Variants in ALDH1L1 observed in about 807,000 individuals in gnomAD.
ALDH1L1 encodes cytosolic 10-formyltetrahydrofolate dehydrogenase.
ALDH1L1 carries 68 observed loss-of-function variants against 101.1 expected under a neutral mutation model. That is an observed-to-expected ratio of 0.67 (90% CI 0.55 to 0.82). The LOEUF (loss-of-function observed/expected upper bound fraction) is 0.82. Ranked by LOEUF, ALDH1L1 falls within the 40% of genes least tolerant of loss-of-function variation. The pLI, the probability that ALDH1L1 is intolerant of heterozygous loss-of-function variation, is 0.00. For missense variants in ALDH1L1, 1,087 were observed against 1,172.7 expected (o/e 0.93, Z 1.07); for synonymous variants, 486 against 470.8 (o/e 1.03, Z -0.42).
intron 9 of ALDH1L1, among the ~76,000 whole-genome samples, chr3:126,144,065 A>G (rs2080622688): frequency 6.6e-6 from 1 of 152,250 alleles, no homozygotes; most frequent in African/African-American, 2.4e-5. Flanking sequence ...CAACTCCATA[A>G]ATTAGCAATG....
At chr3:126,109,788 C>T (rs563865613) in intron 20 of ALDH1L1, among the ~76,000 whole-genome samples, 156 bp downstream of exon 20, 1 of 152,244 alleles carries the variant, frequency 6.6e-6, no homozygotes, top group Admixed American at 6.5e-5. Context: ...CCCAAATAGC[C>T]ACAGCCCAGT....
At chr3:126,171,158 C>T (rs1423265860) in intron 1 of ALDH1L1, among the ~76,000 whole-genome samples, 1 of 152,244 alleles carries the variant, frequency 6.6e-6, no homozygotes, top group African/African-American at 2.4e-5. Context: ...ATTAGCCAGG[C>T]GTGGTGGCGC....
intron 1 of ALDH1L1, among the ~76,000 whole-genome samples, chr3:126,187,025 C>T (rs2108352186): frequency 6.6e-6 from 1 of 152,212 alleles, no homozygotes; most frequent in Non-Finnish European, 1.5e-5. Context: ...CCCAGGGCTG[C>T]TCAGGGGGAG....
At position 126,188,175 on chromosome 3, in the gene ALDH1L1, C is replaced by T. The variant is rs137992141; in HGVS notation, c.-24+9560G>A. Among the ~76,000 whole-genome samples, 169 of 152,330 alleles carry T rather than the reference C, an allele frequency of 1.1e-3. 1 individual carries two copies. The highest frequency in any genetic ancestry group is 3.4e-3 in the Middle Eastern group (1 of 294). ...GAGTATACATTTGATCCTTGGACAA[C>T]GCAGGTTGGACCTGTGCGGGTCCAT... On this transcript the variant is annotated intron_variant, in intron 1 of 2. Transcript: ENST00000509952.
intron 8 of ALDH1L1, among the ~76,000 whole-genome samples, chr3:126,149,412 A>AC (rs749912901): frequency 6.6e-6 from 1 of 152,112 alleles, no homozygotes; most frequent in Non-Finnish European, 1.5e-5. Context: ...ACAAACGATG[A>AC]CCCCAGCTCA....
chr3:126,150,557 T>C, intron 7 of ALDH1L1, 26 bp from the exon 8 acceptor site: 1 of 1,543,944 alleles, frequency 6.5e-7, no homozygotes, highest in Non-Finnish European at 8.8e-7. Flanking sequence ...TTTCTTTTCT[T>C]TTCTTTTCTT....
intron 21 of ALDH1L1, 118 bp downstream of exon 21, chr3:126,107,023 C>A (rs1268948156): frequency 1.1e-6 from 1 of 904,746 alleles, no homozygotes; most frequent in South Asian, 1.5e-5. Flanking sequence ...CCACGGCTTG[C>A]GCCCTGCCTG....
chr3:126,192,159 C>G (rs1019256200), intron 1 of ALDH1L1, among the ~76,000 whole-genome samples: 1 of 152,172 alleles, frequency 6.6e-6, no homozygotes, highest in Non-Finnish European at 1.5e-5. Context: ...CTTGGTATCA[C>G]GATTTTATTA....
intron 12 of ALDH1L1, among the ~76,000 whole-genome samples, chr3:126,133,574 G>A (rs937817945): frequency 3.9e-5 from 6 of 152,158 alleles, no homozygotes; most frequent in Non-Finnish European, 7.3e-5. Context: ...TCCATCACCC[G>A]AGTGCACTAT....
intron 7 of ALDH1L1, chr3:126,151,666 CT>C (rs1313110118): frequency 6.6e-6 from 1 of 152,176 alleles, no homozygotes; most frequent in Non-Finnish European, 1.5e-5. Flanking sequence ...AAGAATGGTA[CT>C]CTGTATGCAT....
chr3:126,116,223 CTTTT>C (rs201343560), intron 17 of ALDH1L1, among the ~76,000 whole-genome samples: 1 of 146,552 alleles, frequency 6.8e-6, no homozygotes, highest in African/African-American at 2.5e-5. Context: ...AATTGAGGTA[CTTTT>C]TTTTTTGTTC....
At chr3:126,126,806 A>G (rs1185247963) in intron 14 of ALDH1L1, among the ~76,000 whole-genome samples, 2 of 152,198 alleles carry the variant, frequency 1.3e-5, no homozygotes, top group Non-Finnish European at 2.9e-5. Flanking sequence ...TTGCTTGGAG[A>G]CCAGATTGCT....
chr3:126,158,902 T>A (rs920536668), intron 2 of ALDH1L1, among the ~76,000 whole-genome samples: 2 of 152,182 alleles, frequency 1.3e-5, no homozygotes, highest in African/African-American at 4.8e-5. Flanking sequence ...ATGGCTGACC[T>A]CTGCCCTCAT....
chr3:126,132,542 G>A (rs1455131437), intron 12 of ALDH1L1, among the ~76,000 whole-genome samples: 1 of 152,160 alleles, frequency 6.6e-6, no homozygotes, highest in African/African-American at 2.4e-5. Context: ...AGGTGCTCAG[G>A]TCAGTCAGGC....
At chr3:126,137,598 G>C (rs757439741) in intron 10 of ALDH1L1, among the ~76,000 whole-genome samples, 3 of 152,170 alleles carry the variant, frequency 2.0e-5, no homozygotes, top group Admixed American at 6.5e-5. Context: ...CCCATGTCCT[G>C]AGCATCAGAC....
Position 126,186,753 on chromosome 3 carries a change from G to A in ALDH1L1, c.-24+10982C>T, listed in dbSNP as rs1165689911. 2.6e-5 allele frequency among the ~76,000 whole-genome samples: 4 copies of A among 152,326 alleles called. 1 individual carries two copies. The South Asian group carries it at 6.2e-4, about 24-fold the overall frequency. ...GGTCAGACTCCAAGCACCAGGCCCC[G>A]TGAAGGGTGGGGAGTGGACCAGAGG... On this transcript the variant is annotated intron_variant, in intron 1 of 2. Coordinates refer to the ALDH1L1 transcript ENST00000509952.
rs1304948017 is a variant in ALDH1L1 at position 126,105,968 on chromosome 3, A to C, written c.2454-43T>G. The C allele has an allele frequency of 1.9e-6, 3 of 1,592,932 alleles. No individual in the cohort carries two copies. In the East Asian group the frequency reaches 6.7e-5, roughly 36 times the overall value. ...GAAGAACTCCCTGAGGGAGGTGCAG[A>C]GGAGAGCCTGGCCCACTCCACACCC... is the stretch of plus-strand genomic sequence containing the variant. On this transcript the variant is annotated intron_variant, in intron 21 of 22. Coordinates refer to ENST00000393434, the MANE Select transcript of ALDH1L1 (RefSeq NM_012190.4).
chr3:126,173,416 C>A (rs887600246), intron 1 of ALDH1L1, among the ~76,000 whole-genome samples: 5 of 151,998 alleles, frequency 3.3e-5, no homozygotes, highest in Admixed American at 6.6e-5. Context: ...ATATTGCAAA[C>A]TGTAGGTCAA....
chr3:126,193,695 G>A lies in ALDH1L1; in HGVS notation c.-24+4040C>T, dbSNP rs185349010. ...AGTTATATTCTCTTGAATACCAGTT[G>A]TTTTTCCAAATTAGGTGCATAGCAC... On this transcript the variant is annotated intron_variant, in intron 1 of 2. Coordinates refer to the ALDH1L1 transcript ENST00000509952. 4.1e-3 allele frequency among the ~76,000 whole-genome samples: 626 copies of A among 152,270 alleles called. 4 individuals are homozygous for A. The highest frequency in any genetic ancestry group is 7.1e-3 in the Non-Finnish European group (481 of 68,022).
Sources: allele counts gnomAD v4.1 joint callset (sites outside exome capture counted in the v4.1 genomes callset), GRCh38; gene constraint gnomAD v4.1.1; transcripts MANE v1.5; gene names NCBI Gene and HGNC (gene_info 2026-07-23, HGNC 2026-07-21).